The following ATP6V1A variants were observed in gnomAD, a reference collection of about 807,000 sequenced individuals.
The protein encoded by ATP6V1A is ATPase H+ transporting V1 subunit A.
ATP6V1A carries 18 observed loss-of-function variants against 70.1 expected under a neutral mutation model. The observed-to-expected ratio is 0.26, with a 90% confidence interval of 0.18 to 0.38. The LOEUF is 0.38. ATP6V1A is among the 10% of genes least tolerant of loss of function. The probability of loss-of-function intolerance (pLI) is 1.00; values close to 1 mark genes in which losing one functional copy is unlikely to be tolerated. For missense variants in ATP6V1A, 424 were observed against 772.4 expected, an observed-to-expected ratio of 0.55 and a Z score of 5.35; for synonymous variants, 232 against 253.8, an observed-to-expected ratio of 0.91 and a Z score of 0.82.
intron 11 of ATP6V1A, among the ~76,000 whole-genome samples, chr3:113,796,690 CAG>C (rs777920904): frequency 2.6e-5 from 4 of 151,586 alleles, no homozygotes; most frequent in Non-Finnish European, 5.9e-5. Flanking sequence ...GTGGGAAAAA[CAG>C]AATATTTACT....
At position 113,805,485 on chromosome 3, in the gene ATP6V1A, T is replaced by C. The variant is rs1709265613; in HGVS notation, c.1721T>C (p.Met574Thr). 1 of 1,613,916 alleles carries C rather than the reference T, an allele frequency of 6.2e-7. No homozygotes were observed. The highest frequency in any genetic ancestry group is 1.3e-5 in the African/African-American group (1 of 74,934). ...KITWSIIREH[M>T]GDILYKLSSM... ...ACATGGTCCATTATTCGTGAGCACA[T>C]GGGAGACATCCTCTATAAACTTTCC... is the stretch of plus-strand genomic sequence containing the variant. The change falls in exon 14 of 15, where the codon ATG becomes ACG. Residue 574 changes from methionine to threonine, a missense_variant. Met to Thr is a moderately conservative substitution (Grantham distance 81). Around this residue, in one of 9 missense-constraint regions of ATP6V1A, gnomAD observed 127 missense variants for 207.9 expected, o/e 0.61. Coordinates refer to ENST00000273398, the MANE Select transcript of ATP6V1A (RefSeq NM_001690.4).
At chr3:113,803,446 C>G in intron 12 of ATP6V1A, 137 bp from the exon 13 acceptor site, 1 of 674,674 alleles carries the variant, frequency 1.5e-6, no homozygotes, top group South Asian at 2.0e-5. Context: ...GAACATCAAT[C>G]AAAAAGCCGT....
intron 1 of ATP6V1A, among the ~76,000 whole-genome samples, chr3:113,753,390 T>A (rs1308637233): frequency 6.6e-6 from 1 of 152,188 alleles, no homozygotes; most frequent in African/African-American, 2.4e-5. Context: ...CAACATCAGT[T>A]AATACTGAGA....
intron 1 of ATP6V1A, among the ~76,000 whole-genome samples, chr3:113,757,503 G>A (rs557363241): frequency 2.0e-4 from 31 of 152,298 alleles, no homozygotes; most frequent in East Asian, 1.9e-3. Flanking sequence ...CTCATGGCAC[G>A]AAAGTGTGTT....
At chr3:113,798,212 C>G in intron 11 of ATP6V1A, 31 bp from the exon 12 acceptor site, 1 of 1,598,422 alleles carries the variant, frequency 6.3e-7, no homozygotes, top group Non-Finnish European at 8.6e-7. Flanking sequence ...AGAAAAATTA[C>G]TGTTTTTGTG....
At chr3:113,806,221 GCCTGGGCAACACAGTGAGA>G (rs1278686184) in intron 14 of ATP6V1A, among the ~76,000 whole-genome samples, 1 of 152,112 alleles carries the variant, frequency 6.6e-6, no homozygotes, top group East Asian at 1.9e-4. Context: ...CTACTCTCCA[GCCTGGGCAACACAGTGAGA>G]CCCAGTCTCA....
At chr3:113,792,645 A>G (rs988046906) in intron 8 of ATP6V1A, among the ~76,000 whole-genome samples, 1 of 152,012 alleles carries the variant, frequency 6.6e-6, no homozygotes. Context: ...CTCTTTGTAC[A>G]TTTCTTAGGG....
intron 9 of ATP6V1A, 25 bp downstream of exon 9, chr3:113,795,019 G>T: frequency 6.2e-7 from 1 of 1,613,224 alleles, no homozygotes; most frequent in Admixed American, 1.7e-5. Flanking sequence ...TGCTTATCAT[G>T]TAAACAAGAC....
At chr3:113,802,370 C>T (rs1237688895) in intron 12 of ATP6V1A, among the ~76,000 whole-genome samples, 3 of 152,232 alleles carry the variant, frequency 2.0e-5, no homozygotes, top group Admixed American at 6.5e-5. Flanking sequence ...CTCACACTGT[C>T]GCCAGGCTGG....
intron 2 of ATP6V1A, among the ~76,000 whole-genome samples, chr3:113,780,557 T>C (rs1708966085): frequency 6.6e-6 from 1 of 152,058 alleles, no homozygotes; most frequent in South Asian, 2.1e-4. Flanking sequence ...CCCAGAAGAG[T>C]TTTAAGAACT....
intron 5 of ATP6V1A, 73 bp downstream of exon 5, chr3:113,784,906 T>C: frequency 2.1e-6 from 3 of 1,432,992 alleles, no homozygotes; most frequent in Non-Finnish European, 2.8e-6. Flanking sequence ...TTTAGTGCCC[T>C]AAGTAATTAA....
At chr3:113,771,440 T>C (rs1490886584) in intron 1 of ATP6V1A, among the ~76,000 whole-genome samples, 13 of 142,666 alleles carry the variant, frequency 9.1e-5, no homozygotes, top group South Asian at 2.3e-4. Context: ...TTTTTTTTTT[T>C]TTTTTTTTTT....
chr3:113,805,989 A>G (rs1319933347), intron 14 of ATP6V1A, among the ~76,000 whole-genome samples: 2 of 152,200 alleles, frequency 1.3e-5, no homozygotes, highest in Non-Finnish European at 2.9e-5. Flanking sequence ...TTAGTATATC[A>G]GCCAGGCATA....
chr3:113,775,171 T>A (rs1708894759), intron 1 of ATP6V1A, among the ~76,000 whole-genome samples: 1 of 152,022 alleles, frequency 6.6e-6, no homozygotes, highest in African/African-American at 2.4e-5. Context: ...ATTCAGGACC[T>A]ATATTCAAAT....
At chr3:113,791,190 A>G (rs932746171) in intron 8 of ATP6V1A, among the ~76,000 whole-genome samples, 5 of 151,816 alleles carry the variant, frequency 3.3e-5, no homozygotes, top group Non-Finnish European at 5.9e-5. Context: ...TTTGTTATCT[A>G]TTTTCCATGT....
intron 1 of ATP6V1A, among the ~76,000 whole-genome samples, chr3:113,770,549 C>T (rs1286894135): frequency 6.6e-6 from 1 of 151,874 alleles, no homozygotes; most frequent in African/African-American, 2.4e-5. Flanking sequence ...CATGGTGGCT[C>T]GTGCCTATAG....
intron 1 of ATP6V1A, among the ~76,000 whole-genome samples, chr3:113,770,600 A>T (rs62268168): frequency 0.34 from 52,055 of 151,630 alleles, 9,028 homozygotes; most frequent in East Asian, 0.36. Context: ...AATCGCTTGA[A>T]CCCGGAAGGT....
At chr3:113,776,030 G>A (rs1301282513) in intron 1 of ATP6V1A, among the ~76,000 whole-genome samples, 1 of 151,938 alleles carries the variant, frequency 6.6e-6, no homozygotes, top group Non-Finnish European at 1.5e-5. Context: ...GCTCTTAATG[G>A]CTTCTTCTAC....
At chr3:113,782,257 G>C (rs1708984180) in intron 3 of ATP6V1A, among the ~76,000 whole-genome samples, 2 of 151,994 alleles carry the variant, frequency 1.3e-5, no homozygotes, top group Admixed American at 1.3e-4. Flanking sequence ...CTATGAAATT[G>C]TGACTAATCA....
Sources: allele counts gnomAD v4.1 joint callset (sites outside exome capture counted in the v4.1 genomes callset), GRCh38; gene constraint gnomAD v4.1.1; regional missense constraint gnomAD v4.1.1; transcripts MANE v1.5; gene names NCBI Gene and HGNC (gene_info 2026-07-23, HGNC 2026-07-21).